Variants in CNTNAP2 observed in about 807,000 individuals in gnomAD.
CNTNAP2 encodes the protein contactin-associated protein-like 2.
A neutral mutation model predicts 155.2 loss-of-function variants in CNTNAP2; 98 were observed. The ratio of observed to expected loss-of-function variants is 0.63; its 90% confidence interval spans 0.54 to 0.75. CNTNAP2 has a LOEUF of 0.75. Ranked by LOEUF, CNTNAP2 falls within the 30% of genes least tolerant of loss-of-function variation. CNTNAP2 has a pLI of 0.00. For missense variants in CNTNAP2, 1,727 were observed against 1,688.1 expected, an observed-to-expected ratio of 1.02 and a Z score of -0.40; for synonymous variants, 651 against 631.2, an observed-to-expected ratio of 1.03 and a Z score of -0.47.
intron 1 of CNTNAP2, among the ~76,000 whole-genome samples, chr7:146,224,215 A>G (rs573606407): frequency 1.1e-4 from 16 of 152,240 alleles, no homozygotes; most frequent in East Asian, 9.7e-4. Context: ...CTCCATCTCT[A>G]TCTGTAGCAC....
At chr7:146,710,336 G>T (rs550988618) in intron 1 of CNTNAP2, among the ~76,000 whole-genome samples, 1 of 152,244 alleles carries the variant, frequency 6.6e-6, no homozygotes, top group South Asian at 2.1e-4. Flanking sequence ...CCATAAGTGG[G>T]GAAAATGAGA....
At chr7:146,182,111 A>G (rs1312258409) in intron 1 of CNTNAP2, among the ~76,000 whole-genome samples, 1 of 152,140 alleles carries the variant, frequency 6.6e-6, no homozygotes, top group Non-Finnish European at 1.5e-5. Context: ...TATTTAATAA[A>G]AAAGAAAAAG....
chr7:147,984,091 G>C (rs1030116426), intron 15 of CNTNAP2, among the ~76,000 whole-genome samples: 6 of 152,186 alleles, frequency 3.9e-5, no homozygotes, highest in Non-Finnish European at 7.3e-5. Flanking sequence ...TGTTATGCTA[G>C]AGTCAGGTTA....
chr7:148,233,524 T>C (rs1795997448), intron 20 of CNTNAP2, among the ~76,000 whole-genome samples: 1 of 152,222 alleles, frequency 6.6e-6, no homozygotes, highest in African/African-American at 2.4e-5. Flanking sequence ...CTCTTGAGAA[T>C]TGAACCTTTT....
chr7:147,718,634 T>C (rs896355741), intron 13 of CNTNAP2, among the ~76,000 whole-genome samples: 1 of 152,158 alleles, frequency 6.6e-6, no homozygotes, highest in African/African-American at 2.4e-5. Context: ...CTTCTTGTTA[T>C]GCAAATGGCA....
At chr7:147,433,340 A>G (rs1797496372) in intron 10 of CNTNAP2, among the ~76,000 whole-genome samples, 1 of 152,218 alleles carries the variant, frequency 6.6e-6, no homozygotes. Context: ...TGGATTTTCA[A>G]TTGAAAATTC....
chr7:147,526,171 G>T (rs567538347), intron 11 of CNTNAP2, among the ~76,000 whole-genome samples: 1 of 142,202 alleles, frequency 7.0e-6, no homozygotes, highest in South Asian at 2.2e-4. Context: ...CAGCCTGGGA[G>T]ACAGAGTGAG....
At chr7:146,869,668 G>A (rs1021677536) in intron 3 of CNTNAP2, among the ~76,000 whole-genome samples, 2 of 152,086 alleles carry the variant, frequency 1.3e-5, no homozygotes, top group African/African-American at 2.4e-5. Context: ...CAAACCACTG[G>A]TATAAGTCCA....
rs188701292 is a variant in CNTNAP2 at position 148,357,716 on chromosome 7, G to A, written c.3476-25933G>A. ...GTTTCTCTGTGCCTCACAGTGCCAA[G>A]CACAGGGCCTTTTGTATAGAGCATA... is the stretch of plus-strand genomic sequence containing the variant. On this transcript the variant is annotated intron_variant, in intron 21 of 23. Coordinates refer to ENST00000361727, the MANE Select transcript of CNTNAP2 (RefSeq NM_014141.6). Among the ~76,000 whole-genome samples, 95 of 152,204 alleles carry A rather than the reference G, an allele frequency of 6.2e-4. 1 individual carries two copies. The highest frequency in any genetic ancestry group is 2.2e-3 in the African/African-American group (92 of 41,470).
chr7:147,890,852 A>T (rs1799677812), intron 13 of CNTNAP2, among the ~76,000 whole-genome samples: 1 of 152,222 alleles, frequency 6.6e-6, no homozygotes, highest in Admixed American at 6.5e-5. Flanking sequence ...TTAGTTAGAT[A>T]GGAGGAATAA....
intron 8 of CNTNAP2, among the ~76,000 whole-genome samples, chr7:147,180,382 A>T (rs776593938): frequency 6.6e-5 from 10 of 152,208 alleles, no homozygotes; most frequent in Non-Finnish European, 1.5e-4. Flanking sequence ...TTTGGAGTAT[A>T]TCACAACTCC....
chr7:147,060,842 G>C (rs371260634), intron 4 of CNTNAP2, among the ~76,000 whole-genome samples: 8,403 of 150,422 alleles, frequency 0.056, 416 homozygotes, highest in African/African-American at 0.17. Context: ...CCAGCCTGGG[G>C]GACAGAGCGA....
At chr7:146,677,507 G>T (rs923549039) in intron 1 of CNTNAP2, among the ~76,000 whole-genome samples, 1 of 152,128 alleles carries the variant, frequency 6.6e-6, no homozygotes, top group Non-Finnish European at 1.5e-5. Flanking sequence ...GCTGAGAAGA[G>T]GGGTCTATTC....
intron 13 of CNTNAP2, among the ~76,000 whole-genome samples, chr7:147,663,065 C>A (rs1795639652): frequency 6.6e-6 from 1 of 152,264 alleles, no homozygotes; most frequent in Non-Finnish European, 1.5e-5. Context: ...GTGGCGCGTT[C>A]TCGGCTCACT....
chr7:147,575,531 G>GTGTGTC, intron 12 of CNTNAP2, among the ~76,000 whole-genome samples: 1 of 151,068 alleles, frequency 6.6e-6, no homozygotes, highest in Non-Finnish European at 1.5e-5. Flanking sequence ...GTGTGTGTGT[G>GTGTGTC]TGTGTATGTG....
At chr7:146,742,807 T>A (rs1465315221) in intron 1 of CNTNAP2, among the ~76,000 whole-genome samples, 1 of 152,180 alleles carries the variant, frequency 6.6e-6, no homozygotes, top group East Asian at 1.9e-4. Context: ...TAGTATTTAG[T>A]TGAAAATTGT....
At chr7:148,197,280 C>T (rs1186957803) in intron 18 of CNTNAP2, among the ~76,000 whole-genome samples, 1 of 151,980 alleles carries the variant, frequency 6.6e-6, no homozygotes, top group Non-Finnish European at 1.5e-5. Context: ...CCCAGTTTTC[C>T]TAGAATTATT....
At chr7:146,403,498 G>A (rs551830922) in intron 1 of CNTNAP2, among the ~76,000 whole-genome samples, 1 of 152,078 alleles carries the variant, frequency 6.6e-6, no homozygotes, top group Non-Finnish European at 1.5e-5. Context: ...ATGTGAATTC[G>A]CCATTTTTAT....
chr7:147,044,756 C>T (rs1403949265), intron 4 of CNTNAP2, among the ~76,000 whole-genome samples: 1 of 151,960 alleles, frequency 6.6e-6, no homozygotes, highest in Non-Finnish European at 1.5e-5. Flanking sequence ...TTCTCCTACT[C>T]CTCTTCCTCT....
Sources: allele counts gnomAD v4.1 joint callset (sites outside exome capture counted in the v4.1 genomes callset), GRCh38; gene constraint gnomAD v4.1.1; transcripts MANE v1.5; gene names NCBI Gene and HGNC (gene_info 2026-07-23, HGNC 2026-07-21).